The following KIF26B variants were observed in gnomAD, a reference collection of about 807,000 sequenced individuals.
KIF26B encodes kinesin-like protein KIF26B.
A neutral mutation model predicts 151.2 loss-of-function variants in KIF26B; 63 were observed. The ratio of observed to expected loss-of-function variants is 0.42; its 90% CI spans 0.34 to 0.51. KIF26B has a LOEUF of 0.51. KIF26B is among the 20% of genes least tolerant of loss of function. The pLI, the probability that KIF26B is intolerant of heterozygous loss-of-function variation, is 0.07. For missense variants in KIF26B, 2,813 were observed against 2,913.6 expected (o/e 0.97, Z 0.79); for synonymous variants, 1,357 against 1,262.1 (o/e 1.08, Z -1.59).
At position 245,706,465 on chromosome 1, in the gene KIF26B, C is replaced by A. The variant is rs1303198447; in HGVS notation, c.*3859C>A. The A allele has an allele frequency of 1.3e-5, 2 of 152,112 alleles. No individual in the cohort carries two copies. The highest frequency in any genetic ancestry group is 4.8e-5 in the African/African-American group (2 of 41,424). The allele number at this position is 152,112 out of a possible 1,614,324, so 9.4% of individuals were successfully genotyped here. A position where few individuals can be genotyped will look rare whatever the true frequency, so the allele number is the denominator to read the frequency against. ...GAGTGTTTTTAGGTTTTTTAGGTTT[C>A]TTATTCCAAAAAGGATTTTAGACTG... On this transcript the variant is annotated 3_prime_UTR_variant, in exon 15 of 15. Transcript: ENST00000407071.
chr1:245,394,434 C>G (rs932080003), intron 3 of KIF26B, among the ~76,000 whole-genome samples: 3 of 152,024 alleles, frequency 2.0e-5, no homozygotes, highest in African/African-American at 7.2e-5. Flanking sequence ...ACAAACCTGG[C>G]CAACATGGTG....
intron 2 of KIF26B, among the ~76,000 whole-genome samples, chr1:245,181,892 A>T (rs1344870475): frequency 6.6e-6 from 1 of 152,038 alleles, no homozygotes; most frequent in Non-Finnish European, 1.5e-5. Flanking sequence ...AATTTTGAGG[A>T]CCAGATAGTT....
intron 9 of KIF26B, among the ~76,000 whole-genome samples, chr1:245,644,265 C>T (rs908772228): frequency 1.3e-5 from 2 of 151,838 alleles, no homozygotes; most frequent in African/African-American, 4.8e-5. Flanking sequence ...AATATCTAAT[C>T]TGCCATTCAT....
Position 245,690,745 on chromosome 1 carries a change from G to GC in KIF26B, c.5824+1938_5824+1939insC, listed in dbSNP as rs368783334. On this transcript the variant is annotated intron_variant, in intron 12 of 14. Transcript: ENST00000407071. Reference sequence around the variant, plus strand: ...CCTTGACATCTTTATTTGCCTGGGGGGGGGGTATGCTTCAGTCTTTGATAC... The same window carrying GC: ...CCTTGACATCTTTATTTGCCTGGGGGCGGGGGTATGCTTCAGTCTTTGATAC... 2.0e-3 allele frequency among the ~76,000 whole-genome samples: 301 copies of GC among 151,006 alleles called. 3 individuals are homozygous for GC. The highest frequency in any genetic ancestry group is 4.0e-3 in the South Asian group (19 of 4,742).
chr1:245,156,696 C>T lies in KIF26B; in HGVS notation c.465+13C>T. 3.4e-6 allele frequency: 5 copies of T among 1,464,698 alleles called. No individual in the cohort carries two copies. Among genetic ancestry groups the T allele is most frequent in the African/African-American group, 1.5e-5 (1 of 67,912 alleles). 90.7% of individuals were successfully genotyped at this position (1,464,698 alleles called of 1,614,324 possible). A position where few individuals can be genotyped will look rare whatever the true frequency, so the allele number is the denominator to read the frequency against. On this transcript the variant is annotated intron_variant, in intron 2 of 14. Transcript: ENST00000407071. ...CTTCCCGGGCAAGGTGAGCGCCGCG[C>T]GGGGCTGGCTGGGGAGGCGCCGGGA...
Position 245,602,487 on chromosome 1 carries a change from G to A in KIF26B, c.1351-90G>A, listed in dbSNP as rs931931425. On this transcript the variant is annotated intron_variant, in intron 5 of 14. Coordinates refer to ENST00000407071, the MANE Select transcript of KIF26B (RefSeq NM_018012.4). The surrounding 1 kb of genome is among the most constrained non-coding windows in gnomAD (Gnocchi z 4.5). ...TCCTGAGAAAGTTCAGTGCTGCCAT[G>A]TGCATGTATATCGCAGAGTATACAA... The A allele has an allele frequency of 5.3e-6, 5 of 948,396 alleles. No individual in the cohort carries two copies. Among genetic ancestry groups the A allele is most frequent in the Non-Finnish European group, 8.2e-6 (5 of 606,978 alleles). 58.7% of individuals were successfully genotyped at this position (948,396 alleles called of 1,614,324 possible).
intron 9 of KIF26B, among the ~76,000 whole-genome samples, chr1:245,643,939 G>A (rs2043919056): frequency 6.6e-6 from 1 of 151,880 alleles, no homozygotes; most frequent in African/African-American, 2.4e-5. Flanking sequence ...TATATCACTG[G>A]TTTTGGGCGG....
intron 2 of KIF26B, among the ~76,000 whole-genome samples, chr1:245,209,408 TAAAACA>T (rs1360404201): frequency 1.4e-5 from 2 of 142,700 alleles, no homozygotes; most frequent in South Asian, 2.2e-4. Flanking sequence ...CTAAAAAAAA[TAAAACA>T]AGAAAAAAAA....
intron 4 of KIF26B, among the ~76,000 whole-genome samples, chr1:245,513,470 G>T (rs1389878242): frequency 2.0e-5 from 3 of 152,180 alleles, no homozygotes; most frequent in Non-Finnish European, 4.4e-5. Context: ...GTTCTGTGAA[G>T]CACCTAGCAG....
rs1572216741 is a variant in KIF26B at position 245,702,819 on chromosome 1, G to A, written c.*213G>A. ...AAACACCGTGGAAGGAGAAAAGGAT[G>A]GGAAGCCCGAGGGGTGTCCAAGCCC... On this transcript the variant is annotated 3_prime_UTR_variant, in exon 15 of 15. Coordinates refer to ENST00000407071, the MANE Select transcript of KIF26B (RefSeq NM_018012.4). The surrounding 1 kb of genome is among the most constrained non-coding windows in gnomAD (Gnocchi z 4.1). The A allele has an allele frequency of 1.9e-6, 1 of 512,932 alleles. No homozygotes were observed. The highest frequency in any genetic ancestry group is 3.3e-6 in the Non-Finnish European group (1 of 300,616). 31.8% of individuals were successfully genotyped at this position (512,932 alleles called of 1,614,324 possible).
chr1:245,604,060 C>A (rs2043424752), intron 6 of KIF26B, among the ~76,000 whole-genome samples: 2 of 152,152 alleles, frequency 1.3e-5, no homozygotes, highest in South Asian at 4.1e-4. Context: ...TGGCACGAAA[C>A]AGCACCTGTT....
intron 2 of KIF26B, among the ~76,000 whole-genome samples, chr1:245,205,669 A>G (rs776876290): frequency 5.3e-5 from 8 of 151,944 alleles, no homozygotes; most frequent in Non-Finnish European, 1.2e-4. Context: ...CTGACAGAAC[A>G]GAACAGTTTC....
chr1:245,513,566 G>A (rs1034040321), intron 4 of KIF26B, among the ~76,000 whole-genome samples: 4 of 152,214 alleles, frequency 2.6e-5, no homozygotes, highest in African/African-American at 9.6e-5. Flanking sequence ...ATTTCGGCCC[G>A]ATGTTCTGCC....
intron 2 of KIF26B, among the ~76,000 whole-genome samples, chr1:245,342,219 C>G (rs1672349571): frequency 6.6e-6 from 1 of 152,208 alleles, no homozygotes; most frequent in Non-Finnish European, 1.5e-5. Context: ...ATTTTTCACA[C>G]ATTTAACCAA....
chr1:245,390,936 A>AC (rs1319645932), intron 3 of KIF26B, among the ~76,000 whole-genome samples: 4,818 of 143,868 alleles, frequency 0.033, 643 homozygotes, highest in African/African-American at 0.12. Flanking sequence ...AAAAAAAAAA[A>AC]AAAAAAAAAA....
rs112716026 is a variant in KIF26B at position 245,667,375 on chromosome 1, C to T, written c.2259-16858C>T. On this transcript the variant is annotated intron_variant, in intron 10 of 14. Coordinates refer to ENST00000407071, the MANE Select transcript of KIF26B (RefSeq NM_018012.4). This position sits in a 1 kb window ranked among gnomAD's most constrained non-coding sequence, Gnocchi z 4.3. ...AATATTTTTAATAGAGATGGGGTTT[C>T]GCCATGTGTCCCAGGCTGGTCTCAA... Among the ~76,000 whole-genome samples the T allele has an allele frequency of 0.048, 7,232 of 152,046 alleles. 367 individuals are homozygous for T. Among genetic ancestry groups the T allele is most frequent in the African/African-American group, 0.13 (5,210 of 41,440 alleles).
intron 3 of KIF26B, among the ~76,000 whole-genome samples, chr1:245,369,429 A>G (rs1174733653): frequency 1.3e-5 from 2 of 152,350 alleles, no homozygotes; most frequent in South Asian, 2.1e-4. Flanking sequence ...GTCTCTTGCT[A>G]TCTTGAAAGA....
chr1:245,400,497 T>TG (rs1252379504), intron 3 of KIF26B, among the ~76,000 whole-genome samples: 1 of 151,220 alleles, frequency 6.6e-6, no homozygotes, highest in African/African-American at 2.4e-5. Flanking sequence ...AGTTTTTTTT[T>TG]TTTTTTTTTG....
intron 3 of KIF26B, among the ~76,000 whole-genome samples, chr1:245,405,276 G>A (rs1366177636): frequency 6.6e-6 from 1 of 152,200 alleles, no homozygotes; most frequent in African/African-American, 2.4e-5. Flanking sequence ...CCTCCAAAGG[G>A]AATAGGCAGA....
Sources: gnomAD v4.1 joint callset for allele counts (sites outside exome capture counted in the v4.1 genomes callset) on GRCh38, gnomAD v4.1.1 for gene constraint, Gnocchi (gnomAD v3.1) non-coding constraint, MANE v1.5 for transcripts, NCBI Gene and HGNC (gene_info 2026-07-23, HGNC 2026-07-21) for gene names.